DOK6: variants seen among roughly 807,000 people sequenced by gnomAD.
The protein encoded by DOK6 is downstream of tyrosine kinase 6.
In DOK6, 22 loss-of-function variants were observed where a neutral mutation model predicts 44.0. The observed-to-expected ratio is 0.50, with a 90% CI of 0.36 to 0.71. DOK6 has a LOEUF of 0.71. DOK6 is among the 30% of genes least tolerant of loss of function. DOK6 has a pLI of 0.00. For synonymous variants in DOK6, 166 were observed against 145.5 expected (o/e 1.14, Z -1.01); for missense variants, 340 against 416.4 (o/e 0.82, Z 1.60).
At chr18:69,772,078 G>A (rs1417218718) in intron 7 of DOK6, among the ~76,000 whole-genome samples, 1 of 151,636 alleles carries the variant, frequency 6.6e-6, no homozygotes, top group East Asian at 1.9e-4. Flanking sequence ...GGCTGAGGTG[G>A]AGGATCACAT....
intron 7 of DOK6, among the ~76,000 whole-genome samples, chr18:69,783,903 T>G (rs1980352164): frequency 6.6e-6 from 1 of 152,212 alleles, no homozygotes; most frequent in Admixed American, 6.5e-5. Context: ...TTAACGATTT[T>G]CTGCCCTTGG....
intron 7 of DOK6, among the ~76,000 whole-genome samples, chr18:69,818,788 T>G (rs181417471): frequency 1.3e-5 from 2 of 152,232 alleles, no homozygotes; most frequent in Admixed American, 6.5e-5. Context: ...TGGAGCCACG[T>G]AGAGATGATA....
chr18:69,739,273 C>CA (rs1978722368), intron 6 of DOK6, 170 bp downstream of exon 6: 2 of 837,984 alleles, frequency 2.4e-6, no homozygotes, highest in Non-Finnish European at 3.4e-6. Flanking sequence ...TTCAATATGT[C>CA]AAAAAAGAAG....
At chr18:69,433,766 A>G (rs1378725507) in intron 1 of DOK6, among the ~76,000 whole-genome samples, 3 of 152,232 alleles carry the variant, frequency 2.0e-5, no homozygotes, top group African/African-American at 7.2e-5. Context: ...TTCCTCTGAG[A>G]AACTAGTTAA....
chr18:69,477,374 G>A (rs1178988264), intron 1 of DOK6, among the ~76,000 whole-genome samples: 1 of 152,092 alleles, frequency 6.6e-6, no homozygotes, highest in Non-Finnish European at 1.5e-5. Context: ...CTTTCATCAA[G>A]ATCAAAAAGT....
At chr18:69,435,030 GGAAGGAAGGAA>G (rs1978929062) in intron 1 of DOK6, among the ~76,000 whole-genome samples, 3 of 28,342 alleles carry the variant, frequency 1.1e-4, no homozygotes, top group Admixed American at 2.7e-4. Flanking sequence ...AGGGAGGGAA[GGAAGGAAGGAA>G]GGAAGGAAGG....
intron 2 of DOK6, among the ~76,000 whole-genome samples, chr18:69,591,307 A>T (rs1983616840): frequency 6.6e-6 from 1 of 152,122 alleles, no homozygotes. Context: ...AGGAGAGCAC[A>T]TGTGTGATGG....
At chr18:69,652,156 T>G (rs1296320192) in intron 3 of DOK6, among the ~76,000 whole-genome samples, 1 of 152,186 alleles carries the variant, frequency 6.6e-6, no homozygotes, top group East Asian at 1.9e-4. Flanking sequence ...GTGTGAGTAA[T>G]TTTGCTTTCA....
chr18:69,763,527 G>T (rs143136033), intron 7 of DOK6, among the ~76,000 whole-genome samples: 3 of 152,046 alleles, frequency 2.0e-5, no homozygotes, highest in Non-Finnish European at 4.4e-5. Flanking sequence ...TTTCCAAGGC[G>T]TTGGGAAATG....
intron 4 of DOK6, among the ~76,000 whole-genome samples, chr18:69,696,803 GT>G (rs1362312328): frequency 2.0e-5 from 3 of 152,144 alleles, no homozygotes; most frequent in African/African-American, 7.2e-5. Flanking sequence ...TGACTGATGT[GT>G]TTAATACTAA....
chr18:69,719,542 G>A (rs1404531799), intron 5 of DOK6, among the ~76,000 whole-genome samples: 2 of 152,160 alleles, frequency 1.3e-5, no homozygotes, highest in Non-Finnish European at 2.9e-5. Flanking sequence ...AACAATGGCT[G>A]GTTATCACTT....
At chr18:69,638,771 G>A (rs903699475) in intron 3 of DOK6, among the ~76,000 whole-genome samples, 2 of 152,080 alleles carry the variant, frequency 1.3e-5, no homozygotes, top group African/African-American at 4.8e-5. Context: ...TTCTCTAAAG[G>A]ATTTGATGCC....
At chr18:69,487,976 T>C (rs1388791784) in intron 1 of DOK6, among the ~76,000 whole-genome samples, 2 of 152,172 alleles carry the variant, frequency 1.3e-5, no homozygotes, top group African/African-American at 4.8e-5. Context: ...CTCAGAACCA[T>C]GGTAAAATGC....
intron 3 of DOK6, among the ~76,000 whole-genome samples, chr18:69,621,275 A>G (rs1002864029): frequency 6.6e-5 from 10 of 152,166 alleles, no homozygotes; most frequent in African/African-American, 2.4e-4. Context: ...TATTTTTTAA[A>G]GGGTAATTAT....
intron 7 of DOK6, among the ~76,000 whole-genome samples, chr18:69,799,687 A>T (rs1391723010): frequency 3.9e-5 from 6 of 152,058 alleles, no homozygotes; most frequent in Admixed American, 3.9e-4. Context: ...AAGCAGAATC[A>T]ATGTCTTAAG....
chr18:69,557,671 C>T (rs571452188), intron 1 of DOK6, among the ~76,000 whole-genome samples: 28 of 152,080 alleles, frequency 1.8e-4, no homozygotes, highest in African/African-American at 4.8e-4. Flanking sequence ...ATATGGGAAT[C>T]GGAGGGGCAC....
chr18:69,679,074 G>T (rs1178895318), intron 4 of DOK6, among the ~76,000 whole-genome samples: 1 of 152,144 alleles, frequency 6.6e-6, no homozygotes, highest in Non-Finnish European at 1.5e-5. Flanking sequence ...TACTCGGGAG[G>T]CTGAGGTGGG....
intron 7 of DOK6, among the ~76,000 whole-genome samples, chr18:69,824,863 T>C (rs34836160): frequency 0.26 from 39,698 of 151,970 alleles, 5,163 homozygotes; most frequent in Non-Finnish European, 0.27. Context: ...AGGAGTCATA[T>C]CCAGGGTATG....
chr18:69,429,705 A>T (rs1451886671), intron 1 of DOK6, among the ~76,000 whole-genome samples: 1 of 140,976 alleles, frequency 7.1e-6, no homozygotes, highest in African/African-American at 2.6e-5. Context: ...CTTCCGTACC[A>T]CCTCTAATGC....
Sources: allele counts gnomAD v4.1 joint callset (sites outside exome capture counted in the v4.1 genomes callset), GRCh38; gene constraint gnomAD v4.1.1; transcripts MANE v1.5; gene names NCBI Gene and HGNC (gene_info 2026-07-23, HGNC 2026-07-21).